Variants in PDE1C observed in about 807,000 individuals in gnomAD.
PDE1C encodes phosphodiesterase 1C.
Under a neutral mutation model 93.1 loss-of-function variants are expected in PDE1C, and 62 were observed. The ratio of observed to expected loss-of-function variants is 0.67; its 90% CI spans 0.54 to 0.82. The LOEUF (loss-of-function observed/expected upper bound fraction) is 0.82. Among genes scored for constraint, PDE1C ranks in the 40% least tolerant of loss-of-function variants. The pLI, the probability that PDE1C is intolerant of heterozygous loss-of-function variation, is 0.00. For missense variants in PDE1C, 742 were observed against 884.6 expected (o/e 0.84, Z 2.04); for synonymous variants, 325 against 310.1 (o/e 1.05, Z -0.50).
chr7:32,108,658 G>A (rs377225941), intron 3 of PDE1C, among the ~76,000 whole-genome samples: 53 of 152,190 alleles, frequency 3.5e-4, no homozygotes, highest in Admixed American at 5.2e-4. Flanking sequence ...CACAAAACCC[G>A]TATGAAATTG....
chr7:32,337,492 A>T (rs1378382885), intron 1 of PDE1C, among the ~76,000 whole-genome samples: 1 of 152,248 alleles, frequency 6.6e-6, no homozygotes, highest in East Asian at 1.9e-4. Flanking sequence ...TTATCTGGGA[A>T]GATCTGCAAA....
chr7:31,851,411 TG>T (rs1222857374), intron 7 of PDE1C, among the ~76,000 whole-genome samples: 3 of 152,230 alleles, frequency 2.0e-5, no homozygotes, highest in African/African-American at 7.2e-5. Context: ...CGCTAGGTTG[TG>T]GCCCAGCAAT....
At chr7:32,025,740 G>A (rs571744375) in intron 2 of PDE1C, among the ~76,000 whole-genome samples, 2 of 152,236 alleles carry the variant, frequency 1.3e-5, no homozygotes, top group East Asian at 1.9e-4. Flanking sequence ...CTTACTGAGC[G>A]TCCATGTCAT....
the PDE1C span, among the ~76,000 whole-genome samples, chr7:31,730,948 A>T: frequency 6.6e-6 from 1 of 152,154 alleles, no homozygotes; most frequent in African/African-American, 2.4e-5. Context: ...CCAATAAGTC[A>T]GAAAAATCTA....
intron 1 of PDE1C, among the ~76,000 whole-genome samples, chr7:32,231,956 TATAC>T (rs372852905): frequency 0.085 from 10,727 of 126,600 alleles, 438 homozygotes; most frequent in Non-Finnish European, 0.094. Flanking sequence ...TAAATATGTG[TATAC>T]ACACACACAC....
intron 2 of PDE1C, among the ~76,000 whole-genome samples, chr7:31,888,249 CAA>C (rs34112969): frequency 0.025 from 1,113 of 44,116 alleles, no homozygotes; most frequent in African/African-American, 0.055. Flanking sequence ...GACTCAGTCT[CAA>C]AAAAAAAAAA....
the PDE1C span, among the ~76,000 whole-genome samples, chr7:31,709,469 C>G: frequency 6.6e-6 from 1 of 152,162 alleles, no homozygotes; most frequent in Non-Finnish European, 1.5e-5. Context: ...AGAGTTTGCA[C>G]GGTGTTTTTT....
intron 1 of PDE1C, among the ~76,000 whole-genome samples, chr7:32,385,094 G>A (rs1170924336): frequency 6.6e-6 from 1 of 152,200 alleles, no homozygotes; most frequent in Non-Finnish European, 1.5e-5. Context: ...GAAAAGGCAG[G>A]GATGATGCTT....
chr7:32,400,306 A>G (rs982798031), intron 1 of PDE1C, among the ~76,000 whole-genome samples: 20 of 152,078 alleles, frequency 1.3e-4, no homozygotes, highest in African/African-American at 4.3e-4. Context: ...TTGAATCCCA[A>G]CTCTGCCTCC....
chr7:32,421,062 A>G (rs940380323), intron 1 of PDE1C, among the ~76,000 whole-genome samples: 3 of 146,984 alleles, frequency 2.0e-5, no homozygotes, highest in African/African-American at 5.0e-5. Flanking sequence ...CAGGGTTTTC[A>G]CCCCTAGAAG....
chr7:32,019,345 G>A (rs978672412), intron 2 of PDE1C, among the ~76,000 whole-genome samples: 8 of 152,064 alleles, frequency 5.3e-5, no homozygotes, highest in African/African-American at 1.9e-4. Flanking sequence ...CAAGGGACTG[G>A]AGGTGCACAT....
At chr7:31,989,966 G>A (rs1783956164) in intron 2 of PDE1C, among the ~76,000 whole-genome samples, 1 of 152,242 alleles carries the variant, frequency 6.6e-6, no homozygotes, top group African/African-American at 2.4e-5. Flanking sequence ...CCGGGCACAG[G>A]GAAGGGAGTG....
At chr7:31,675,696 TAATA>T in the PDE1C span, among the ~76,000 whole-genome samples, 46 of 151,306 alleles carry the variant, frequency 3.0e-4, no homozygotes, top group South Asian at 5.0e-3. Flanking sequence ...TTAATAAATA[TAATA>T]AATAAATATT....
In PDE1C at chr7:31,752,301, G is replaced by A. The variant is rs1246000412; in HGVS notation, c.*1083C>T. The stretch of plus-strand genomic sequence containing the variant: ...AGTCCTGAATTAAAAATCCTAGGGA[G>A]AGACACAGAAGGGCTAACAATGCCA... On this transcript the variant is annotated 3_prime_UTR_variant, in exon 18 of 18. Transcript: ENST00000396191. 6.6e-6 allele frequency: 1 copy of A among 152,132 alleles called. No individual in the cohort carries two copies. Among genetic ancestry groups the A allele is most frequent in the African/African-American group, 2.4e-5 (1 of 41,428 alleles). 9.4% of individuals were successfully genotyped at this position (152,132 alleles called of 1,614,324 possible).
At chr7:32,328,945 AT>A (rs1324696567) in intron 1 of PDE1C, among the ~76,000 whole-genome samples, 4 of 152,216 alleles carry the variant, frequency 2.6e-5, no homozygotes, top group African/African-American at 9.6e-5. Flanking sequence ...AATAAATAGT[AT>A]TGCTGGCCAG....
At chr7:32,054,270 T>C (rs1793759329) in intron 1 of PDE1C, among the ~76,000 whole-genome samples, 1 of 152,174 alleles carries the variant, frequency 6.6e-6, no homozygotes, top group Non-Finnish European at 1.5e-5. Context: ...GCAACAGGGC[T>C]CTGGAGTGTG....
chr7:32,206,300 C>T (rs13224521), intron 2 of PDE1C, among the ~76,000 whole-genome samples: 9,166 of 152,064 alleles, frequency 0.06, 519 homozygotes, highest in East Asian at 0.35. Flanking sequence ...CAGAAAGGGG[C>T]CAGTTTATGC....
intron 7 of PDE1C, among the ~76,000 whole-genome samples, chr7:31,857,312 T>G (rs573950521): frequency 6.6e-5 from 10 of 152,150 alleles, no homozygotes; most frequent in Non-Finnish European, 1.5e-4. Flanking sequence ...ACTAACAATG[T>G]CTCTGATTTT....
chr7:32,293,640 G>A (rs1394693309), intron 1 of PDE1C, among the ~76,000 whole-genome samples: 1 of 152,176 alleles, frequency 6.6e-6, no homozygotes, highest in African/African-American at 2.4e-5. Flanking sequence ...CCATGGTGCA[G>A]AATGGAAGAG....
Sources: gnomAD v4.1 joint callset for allele counts (sites outside exome capture counted in the v4.1 genomes callset) on GRCh38, gnomAD v4.1.1 for gene constraint, MANE v1.5 for transcripts, NCBI Gene and HGNC (gene_info 2026-07-23, HGNC 2026-07-21) for gene names.